NKAIN3: variants seen among roughly 807,000 people sequenced by gnomAD.
The protein encoded by NKAIN3 is sodium/potassium transporting ATPase interacting 3.
In NKAIN3, 25 loss-of-function variants were observed where a neutral mutation model predicts 30.2. The observed-to-expected ratio is 0.83, with a 90% CI of 0.60 to 1.16. NKAIN3 has a LOEUF of 1.16. NKAIN3 is among the 50% of genes most tolerant of loss of function. The pLI is 0.00. For missense variants in NKAIN3, 225 were observed against 254.1 expected, an observed-to-expected ratio of 0.89 and a Z score of 0.78; for synonymous variants, 91 against 89.6, an observed-to-expected ratio of 1.02 and a Z score of -0.09.
intron 3 of NKAIN3, among the ~76,000 whole-genome samples, chr8:62,603,996 G>T (rs1246748962): frequency 6.6e-6 from 1 of 152,080 alleles, no homozygotes; most frequent in Non-Finnish European, 1.5e-5. Flanking sequence ...GATACCCTTT[G>T]GTATGAAGTT....
chr8:62,317,432 C>A (rs192178700), intron 1 of NKAIN3, among the ~76,000 whole-genome samples: 1,576 of 152,218 alleles, frequency 0.01, 17 homozygotes, highest in Non-Finnish European at 0.016. Flanking sequence ...GTCTTCAATC[C>A]ATCTTGAATT....
rs1823981982 is a variant in NKAIN3 at position 62,977,960 on chromosome 8, C to G, written c.*12553C>G. ...TTCTGTTTGTTAATTTTCTTTCTAA[C>G]AGTCAGGCCCTTCTTCTGCTGGTCT... On this transcript the variant is annotated 3_prime_UTR_variant, in exon 7 of 7. Transcript: ENST00000623646. 6.6e-6 allele frequency: 1 copy of G among 152,340 alleles called. No individual in the cohort carries two copies. Among genetic ancestry groups the G allele is most frequent in the Non-Finnish European group, 1.5e-5 (1 of 68,158 alleles). The allele number at this position is 152,340 out of a possible 1,614,324, so 9.4% of individuals were successfully genotyped here.
chr8:62,883,459 T>TGTTG (rs1554588081), intron 4 of NKAIN3, among the ~76,000 whole-genome samples: 86 of 78,346 alleles, frequency 1.1e-3, no homozygotes, highest in South Asian at 2.1e-3. Flanking sequence ...TTTTATGGGT[T>TGTTG]TTTTTTTTTT....
chr8:62,485,307 C>T (rs755523174), intron 1 of NKAIN3, among the ~76,000 whole-genome samples: 6 of 152,186 alleles, frequency 3.9e-5, no homozygotes, highest in Middle Eastern at 6.8e-3. Context: ...TAGAAAGCTA[C>T]GTGGTCTCTG....
intron 3 of NKAIN3, among the ~76,000 whole-genome samples, chr8:62,672,045 G>T (rs1186234240): frequency 6.6e-6 from 1 of 152,132 alleles, no homozygotes; most frequent in African/African-American, 2.4e-5. Flanking sequence ...AGCAATAATG[G>T]CCTCAGCTTC....
At chr8:62,782,519 C>G (rs577410756) in intron 4 of NKAIN3, among the ~76,000 whole-genome samples, 1 of 125,312 alleles carries the variant, frequency 8.0e-6, no homozygotes, top group African/African-American at 3.0e-5. Context: ...TGGAATTAAC[C>G]TAGGTGTCCA....
At chr8:62,254,814 C>G (rs908979148) in intron 1 of NKAIN3, among the ~76,000 whole-genome samples, 1 of 152,076 alleles carries the variant, frequency 6.6e-6, no homozygotes, top group African/African-American at 2.4e-5. Flanking sequence ...AATTAATTAA[C>G]AAATAATTTT....
chr8:62,939,662 T>C (rs1395465067), intron 5 of NKAIN3, among the ~76,000 whole-genome samples: 6 of 151,786 alleles, frequency 4.0e-5, no homozygotes, highest in Admixed American at 3.9e-4. Context: ...CCAAGCTTCA[T>C]AAATGAAAAA....
At chr8:62,502,836 A>G (rs1807503671) in intron 1 of NKAIN3, among the ~76,000 whole-genome samples, 1 of 152,228 alleles carries the variant, frequency 6.6e-6, no homozygotes, top group Non-Finnish European at 1.5e-5. Context: ...AAGTAACACA[A>G]GAGCATGGCC....
intron 4 of NKAIN3, among the ~76,000 whole-genome samples, chr8:62,888,313 T>A (rs759338465): frequency 6.6e-6 from 1 of 152,232 alleles, no homozygotes; most frequent in East Asian, 1.9e-4. Flanking sequence ...CCCCTAGCCC[T>A]GCTGAGGGCA....
chr8:62,899,627 A>C (rs1401421920), intron 4 of NKAIN3, among the ~76,000 whole-genome samples: 1 of 152,138 alleles, frequency 6.6e-6, no homozygotes, highest in Non-Finnish European at 1.5e-5. Flanking sequence ...GATGGTTAAT[A>C]GGTATAAAAA....
intron 1 of NKAIN3, among the ~76,000 whole-genome samples, chr8:62,286,324 C>T (rs1026459824): frequency 3.9e-5 from 6 of 151,946 alleles, no homozygotes; most frequent in Admixed American, 6.6e-5. Flanking sequence ...TACATAAAGA[C>T]GTGGTGAAAT....
intron 3 of NKAIN3, among the ~76,000 whole-genome samples, chr8:62,611,316 A>G (rs1051021709): frequency 6.6e-6 from 1 of 152,152 alleles, no homozygotes; most frequent in Admixed American, 6.5e-5. Flanking sequence ...AGTTAAAAAA[A>G]TCCAATTACA....
At chr8:62,537,717 T>G (rs748334371) in intron 1 of NKAIN3, among the ~76,000 whole-genome samples, 6 of 152,122 alleles carry the variant, frequency 3.9e-5, no homozygotes, top group Non-Finnish European at 8.8e-5. Context: ...TGCAGAAATA[T>G]CAGTTATGAA....
intron 3 of NKAIN3, among the ~76,000 whole-genome samples, chr8:62,737,867 G>A (rs1179750827): frequency 6.6e-6 from 1 of 152,100 alleles, no homozygotes; most frequent in Non-Finnish European, 1.5e-5. Context: ...CTGCTGGTAT[G>A]AGCTTCATCA....
At chr8:62,816,852 GA>G (rs1304704335) in intron 4 of NKAIN3, among the ~76,000 whole-genome samples, 1 of 152,146 alleles carries the variant, frequency 6.6e-6, no homozygotes, top group East Asian at 1.9e-4. Flanking sequence ...AAATCCCACA[GA>G]ATTTTCTCCC....
At chr8:62,249,717 C>A (rs1266303207) in intron 1 of NKAIN3, among the ~76,000 whole-genome samples, 2 of 152,208 alleles carry the variant, frequency 1.3e-5, no homozygotes, top group Non-Finnish European at 1.5e-5. Flanking sequence ...CCTTCCAGTT[C>A]CGCTTTGGAT....
At chr8:62,376,138 C>T (rs16928813) in intron 1 of NKAIN3, among the ~76,000 whole-genome samples, 21,047 of 152,170 alleles carry the variant, frequency 0.14, 1,740 homozygotes, top group East Asian at 0.4. Flanking sequence ...AACTTTCCTA[C>T]CACAGAGAGT....
At chr8:62,778,751 C>T (rs555053820) in intron 4 of NKAIN3, among the ~76,000 whole-genome samples, 6 of 151,960 alleles carry the variant, frequency 3.9e-5, no homozygotes, top group Admixed American at 6.6e-5. Context: ...CCCCTTTACT[C>T]TTCCCTCTCT....
Sources: gnomAD v4.1 joint callset for allele counts (sites outside exome capture counted in the v4.1 genomes callset) on GRCh38, gnomAD v4.1.1 for gene constraint, MANE v1.5 for transcripts, NCBI Gene and HGNC (gene_info 2026-07-23, HGNC 2026-07-21) for gene names.